DLGAP2: variants seen among roughly 807,000 people sequenced by gnomAD.
DLGAP2 encodes disks large-associated protein 2.
DLGAP2 carries 26 observed loss-of-function variants against 100.3 expected under a neutral mutation model. The observed-to-expected ratio is 0.26, with a 90% CI of 0.19 to 0.36. The LOEUF (loss-of-function observed/expected upper bound fraction) is 0.36. DLGAP2 is among the 10% of genes least tolerant of loss of function. The probability of loss-of-function intolerance (pLI) is 1.00; values close to 1 mark genes in which losing one functional copy is unlikely to be tolerated. For synonymous variants in DLGAP2, 886 were observed against 630.1 expected, an observed-to-expected ratio of 1.41 and a Z score of -6.08; for missense variants, 1,858 against 1,453.2, an observed-to-expected ratio of 1.28 and a Z score of -4.53.
intron 1 of DLGAP2, among the ~76,000 whole-genome samples, chr8:852,285 A>G (rs926494178): frequency 3.9e-5 from 6 of 152,134 alleles, no homozygotes; most frequent in African/African-American, 1.4e-4. Context: ...TCTGGAGGCC[A>G]CAGGCCTGGG....
chr8:1,252,814 C>G (rs979969651), intron 2 of DLGAP2, among the ~76,000 whole-genome samples: 6 of 152,212 alleles, frequency 3.9e-5, no homozygotes, highest in African/African-American at 1.2e-4. Context: ...CCTTTCCTGA[C>G]GAGCAGAGGA....
At chr8:800,955 C>CA (rs1554423587) in intron 1 of DLGAP2, among the ~76,000 whole-genome samples, 7 of 152,148 alleles carry the variant, frequency 4.6e-5, no homozygotes, top group South Asian at 2.1e-4. Context: ...TGTGCCCCCC[C>CA]ACCCTTCCTG....
At chr8:1,412,947 G>A (rs1055803792) in intron 3 of DLGAP2, among the ~76,000 whole-genome samples, 5 of 152,082 alleles carry the variant, frequency 3.3e-5, no homozygotes, top group Admixed American at 2.6e-4. Flanking sequence ...TCAATACCCA[G>A]CTCAAGTGTC....
chr8:1,321,264 A>G (rs1800894318), intron 3 of DLGAP2, among the ~76,000 whole-genome samples: 1 of 147,968 alleles, frequency 6.8e-6, no homozygotes, highest in Non-Finnish European at 1.5e-5. Context: ...CATCTGTGCC[A>G]TGTGCGTGTG....
intron 13 of DLGAP2, among the ~76,000 whole-genome samples, chr8:1,692,516 G>T (rs2469696): frequency 1.3e-5 from 2 of 152,138 alleles, no homozygotes; most frequent in Non-Finnish European, 2.9e-5. Flanking sequence ...GGGAGTGGAG[G>T]ACAGGAAGAG....
At chr8:942,161 A>G (rs977244365) in intron 2 of DLGAP2, among the ~76,000 whole-genome samples, 1 of 152,200 alleles carries the variant, frequency 6.6e-6, no homozygotes, top group African/African-American at 2.4e-5. Flanking sequence ...TTTGCTCAGG[A>G]TGGTCCTGAA....
intron 2 of DLGAP2, among the ~76,000 whole-genome samples, chr8:1,200,449 A>C (rs1177713283): frequency 6.6e-6 from 1 of 152,180 alleles, no homozygotes; most frequent in Non-Finnish European, 1.5e-5. Context: ...TTCCGTTCAC[A>C]CTGCGATGCT....
At chr8:1,477,914 G>T (rs1372150619) in intron 3 of DLGAP2, among the ~76,000 whole-genome samples, 1 of 152,144 alleles carries the variant, frequency 6.6e-6, no homozygotes, top group East Asian at 1.9e-4. Flanking sequence ...GCCCCAGGCA[G>T]AGCACCTGTC....
rs76120304 is a variant in DLGAP2, at chr8:996,024, C to T, written c.73+88058C>T. Among the ~76,000 whole-genome samples, 748 of 152,278 alleles carry T rather than the reference C, an allele frequency of 4.9e-3. 6 individuals are homozygous for T. Among genetic ancestry groups the T allele is most frequent in the African/African-American group, 0.017 (710 of 41,564 alleles). On this transcript the variant is annotated intron_variant, in intron 2 of 14. Coordinates refer to ENST00000637795, the MANE Select transcript of DLGAP2 (RefSeq NM_001346810.2). ...GGTTCTGAAGTCAGCAAAGGCAAGG[C>T]CATTGTCAGTTACTTATCTGGAATT... is the stretch of plus-strand genomic sequence containing the variant.
At chr8:1,511,970 G>T (rs1019089816) in intron 4 of DLGAP2, among the ~76,000 whole-genome samples, 2 of 152,270 alleles carry the variant, frequency 1.3e-5, no homozygotes. Context: ...CACCACTCGG[G>T]TTTGGTATTG....
intron 4 of DLGAP2, among the ~76,000 whole-genome samples, chr8:1,517,700 A>C (rs914082161): frequency 6.6e-6 from 1 of 152,202 alleles, no homozygotes; most frequent in African/African-American, 2.4e-5. Flanking sequence ...TGTGGCAGGC[A>C]GCAGCATTTG....
At chr8:1,678,184 A>G in intron 11 of DLGAP2, 30 bp from the exon 12 acceptor site, 3 of 1,581,052 alleles carry the variant, frequency 1.9e-6, no homozygotes, top group East Asian at 4.5e-5. Flanking sequence ...CAGAAGGGCT[A>G]CCATCTGTCT....
At chr8:1,329,023 G>A (rs932510924) in intron 3 of DLGAP2, among the ~76,000 whole-genome samples, 2 of 152,202 alleles carry the variant, frequency 1.3e-5, no homozygotes, top group African/African-American at 4.8e-5. Flanking sequence ...TCCACATGCT[G>A]GGCACATGTG....
intron 3 of DLGAP2, among the ~76,000 whole-genome samples, chr8:1,297,518 ACAC>A (rs1424712294): frequency 2.7e-5 from 4 of 146,310 alleles, no homozygotes; most frequent in Non-Finnish European, 6.1e-5. Flanking sequence ...GCATGAACAG[ACAC>A]CACGTGAGAC....
intron 1 of DLGAP2, among the ~76,000 whole-genome samples, chr8:792,672 A>G (rs554728029): frequency 6.6e-6 from 1 of 152,356 alleles, no homozygotes; most frequent in East Asian, 1.9e-4. Flanking sequence ...TCTTAGTTAG[A>G]AAGTTATTTA....
chr8:1,700,980 G>A (rs1229598214), intron 14 of DLGAP2, among the ~76,000 whole-genome samples: 1 of 152,166 alleles, frequency 6.6e-6, no homozygotes. Flanking sequence ...GAGAGTGCGA[G>A]GGAGCTTCCA....
At chr8:1,122,815 T>C (rs1249604430) in intron 2 of DLGAP2, among the ~76,000 whole-genome samples, 1 of 151,990 alleles carries the variant, frequency 6.6e-6, no homozygotes, top group Non-Finnish European at 1.5e-5. Flanking sequence ...GTCTTGAAAA[T>C]ACCATTTCTC....
chr8:1,674,738 A>G (rs1798769891), intron 10 of DLGAP2, among the ~76,000 whole-genome samples: 1 of 152,262 alleles, frequency 6.6e-6, no homozygotes, highest in Admixed American at 6.5e-5. Context: ...ACATGTATTT[A>G]TATAGCAGCA....
At chr8:1,136,940 T>A (rs921227444) in intron 2 of DLGAP2, among the ~76,000 whole-genome samples, 2 of 152,212 alleles carry the variant, frequency 1.3e-5, no homozygotes, top group African/African-American at 4.8e-5. Context: ...CTGCTTCAAC[T>A]TGTGTGTAGT....
Sources: gnomAD v4.1 joint callset for allele counts (sites outside exome capture counted in the v4.1 genomes callset) on GRCh38, gnomAD v4.1.1 for gene constraint, MANE v1.5 for transcripts, NCBI Gene and HGNC (gene_info 2026-07-23, HGNC 2026-07-21) for gene names.